ASB5: variants seen among roughly 807,000 people sequenced by gnomAD.
The protein encoded by ASB5 is ankyrin repeat and SOCS box containing 5.
ASB5 carries 45 observed loss-of-function variants against 42.1 expected under a neutral mutation model. The ratio of observed to expected loss-of-function variants is 1.07; its 90% CI spans 0.84 to 1.37. ASB5 has a LOEUF of 1.37. Ranked by LOEUF, ASB5 falls within the 40% of genes most tolerant of loss-of-function variation. ASB5 has a pLI of 0.00. For missense variants in ASB5, 402 were observed against 399.8 expected, an observed-to-expected ratio of 1.01 and a Z score of -0.05; for synonymous variants, 147 against 150.6, an observed-to-expected ratio of 0.98 and a Z score of 0.18.
chr4:176,234,891 G>C (rs1436945176), intron 1 of ASB5, among the ~76,000 whole-genome samples: 1 of 152,156 alleles, frequency 6.6e-6, no homozygotes, highest in African/African-American at 2.4e-5. Context: ...GACATGAGAA[G>C]TGTCTAACAC....
chr4:176,271,157 T>G (rs1161763177), upstream of ASB5, among the ~76,000 whole-genome samples: 1 of 152,220 alleles, frequency 6.6e-6, no homozygotes, highest in African/African-American at 2.4e-5. Flanking sequence ...AGGTTTTGTT[T>G]TTATGAATTA....
chr4:176,248,707 T>C (rs1012270358), intron 1 of ASB5, among the ~76,000 whole-genome samples: 96 of 152,194 alleles, frequency 6.3e-4, no homozygotes, highest in African/African-American at 2.2e-3. Flanking sequence ...TACTGTTCAT[T>C]GTAAAAGTAA....
At chr4:176,242,066 A>G (rs1239796755) in intron 1 of ASB5, among the ~76,000 whole-genome samples, 3 of 152,180 alleles carry the variant, frequency 2.0e-5, no homozygotes, top group Middle Eastern at 3.2e-3. Flanking sequence ...ATGACCAGTG[A>G]CGTGTGCAAA....
chr4:176,248,274 C>T (rs997748919), intron 1 of ASB5, among the ~76,000 whole-genome samples: 4 of 152,076 alleles, frequency 2.6e-5, no homozygotes, highest in Non-Finnish European at 4.4e-5. Flanking sequence ...TCTACAGGTG[C>T]ACACTACCAT....
At chr4:176,239,332 T>G (rs1027212696) in intron 1 of ASB5, among the ~76,000 whole-genome samples, 2 of 152,190 alleles carry the variant, frequency 1.3e-5, no homozygotes, top group Non-Finnish European at 2.9e-5. Context: ...AAGCTTATAC[T>G]TATTATTCTG....
intron 1 of ASB5, among the ~76,000 whole-genome samples, chr4:176,229,109 A>G (rs1337377657): frequency 1.3e-5 from 2 of 152,218 alleles, no homozygotes; most frequent in Non-Finnish European, 2.9e-5. Flanking sequence ...TTAAATAACC[A>G]CTTATAATAT....
At chr4:176,232,126 TA>T (rs756275677) in intron 1 of ASB5, among the ~76,000 whole-genome samples, 9 of 143,312 alleles carry the variant, frequency 6.3e-5, no homozygotes, top group African/African-American at 1.0e-4. Flanking sequence ...TATATATATA[TA>T]CTTTTTTTTT....
intron 1 of ASB5, among the ~76,000 whole-genome samples, chr4:176,268,206 A>G (rs557083380): frequency 6.6e-6 from 1 of 152,132 alleles, no homozygotes; most frequent in South Asian, 2.1e-4. Flanking sequence ...CAACCTTCTG[A>G]AGTCTATGGG....
chr4:176,266,280 A>T (rs1401691977), intron 1 of ASB5, among the ~76,000 whole-genome samples: 2 of 152,158 alleles, frequency 1.3e-5, no homozygotes, highest in Non-Finnish European at 2.9e-5. Flanking sequence ...GCCATCTCTT[A>T]TTTCATGGAA....
At position 176,221,474 on chromosome 4, in the gene ASB5, G is replaced by C. The variant is rs771837324; in HGVS notation, c.511C>G (p.Pro171Ala). The C allele has an allele frequency of 8.1e-6, 13 of 1,613,702 alleles. No homozygotes were observed. The highest frequency in any genetic ancestry group is 1.1e-5 in the Non-Finnish European group (13 of 1,179,946). Residue 171 changes from proline (P) to alanine (A), a missense_variant, in exon 4 of 7, where the codon CCA becomes GCA. Transcript: ENST00000296525. Reference sequence around the variant, plus strand: ...CCTTTACTGGCGGCCTCATGCGTTGGGGATGGAAGACATGACTCCAGCTGG... The same window carrying C: ...CCTTTACTGGCGGCCTCATGCGTTGCGGATGGAAGACATGACTCCAGCTGG... ...KAQLESCLPS[P>A]THEAASKGHH... is the part of the protein sequence containing the mutation.
chr4:176,268,358 A>G (rs1010461610), intron 1 of ASB5, among the ~76,000 whole-genome samples: 1 of 152,186 alleles, frequency 6.6e-6, no homozygotes, highest in Admixed American at 6.5e-5. Context: ...AGCAGTAACA[A>G]TTCCATCAGA....
chr4:176,228,904 C>T (rs1186677718), intron 1 of ASB5, among the ~76,000 whole-genome samples: 1 of 152,116 alleles, frequency 6.6e-6, no homozygotes, highest in Non-Finnish European at 1.5e-5. Flanking sequence ...AACATGATTG[C>T]AGAATGAAAT....
Position 176,221,368 on chromosome 4 carries a change from C to T in ASB5, c.536-79G>A, listed in dbSNP as rs954975397. 18 of 1,595,922 alleles carry T rather than the reference C, an allele frequency of 1.1e-5. No homozygotes were observed. In the African/African-American group the frequency reaches 2.1e-4, roughly 19 times the overall value. ...TCACCCCAGGCTTCCCTTGTGGTGT[C>T]ATTCATTGAAAGATCAACAGAGCAC... On this transcript the variant is annotated intron_variant, in intron 4 of 6. Coordinates refer to ENST00000296525, the MANE Select transcript of ASB5 (RefSeq NM_080874.4).
At chr4:176,232,685 G>A (rs1443551114) in intron 1 of ASB5, among the ~76,000 whole-genome samples, 2 of 152,142 alleles carry the variant, frequency 1.3e-5, no homozygotes, top group African/African-American at 4.8e-5. Flanking sequence ...GACAACCACA[G>A]AGCCACAGAA....
upstream of ASB5, among the ~76,000 whole-genome samples, chr4:176,272,881 A>G (rs948590175): frequency 2.6e-5 from 4 of 151,440 alleles, no homozygotes; most frequent in African/African-American, 9.7e-5. Flanking sequence ...GCGTGTTTCT[A>G]GTGCTTTCCA....
intron 1 of ASB5, among the ~76,000 whole-genome samples, chr4:176,276,683 T>G (rs1165603162): frequency 2.6e-5 from 4 of 152,128 alleles, no homozygotes; most frequent in African/African-American, 9.7e-5. Flanking sequence ...GGCTCCTGAT[T>G]TAAGAAATCA....
In ASB5 at chr4:176,268,989, A is replaced by G; in HGVS notation, c.120T>C (p.His40=). 1 of 1,613,658 alleles carries G rather than the reference A, an allele frequency of 6.2e-7. No individual in the cohort carries two copies. The highest frequency in any genetic ancestry group is 2.2e-5 in the East Asian group (1 of 44,864). Residue 40 remains histidine, a synonymous_variant, in exon 1 of 7, where the codon CAT becomes CAC. Coordinates refer to ENST00000296525, the MANE Select transcript of ASB5 (RefSeq NM_080874.4). The part of the protein sequence containing the change: ...FVKISLAILS[H]FYIVKGNRKE... Reference sequence around the variant, plus strand: ...TGCGGTTGCCTTTCACTATGTAGAAATGACTGAGGATGGCAAGGCTGATTT... The same window carrying G: ...TGCGGTTGCCTTTCACTATGTAGAAGTGACTGAGGATGGCAAGGCTGATTT...
intron 1 of ASB5, among the ~76,000 whole-genome samples, chr4:176,245,501 G>C (rs550622222): frequency 2.0e-5 from 3 of 152,256 alleles, no homozygotes; most frequent in Admixed American, 2.0e-4. Flanking sequence ...ATTCCTCAAG[G>C]ATCTAGAACT....
In ASB5 at chr4:176,218,251, A is replaced by AAT. The variant is rs781483417; in HGVS notation, c.671-1244_671-1243dup. ...TATATATATATTTGTATGATATATAAATATATATATATTTGTATGATATAT... is the reference window on the plus strand; with the variant it reads ...TATATATATATTTGTATGATATATAAATATATATATATATTTGTATGATATAT... On this transcript the variant is annotated intron_variant, in intron 5 of 6. Coordinates refer to ENST00000296525, the MANE Select transcript of ASB5 (RefSeq NM_080874.4). 1.2e-4 allele frequency among the ~76,000 whole-genome samples: 3 copies of AAT among 24,900 alleles called. 1 individual carries two copies. Among genetic ancestry groups the AAT allele is most frequent in the Admixed American group, 1.3e-3 (2 of 1,594 alleles). The allele number at this position is 24,900 out of a possible 152,430, so 16.3% of individuals were successfully genotyped here. A position where few individuals can be genotyped will look rare whatever the true frequency, so the allele number is the denominator to read the frequency against.
Sources: gnomAD v4.1 joint callset for allele counts (sites outside exome capture counted in the v4.1 genomes callset) on GRCh38, gnomAD v4.1.1 for gene constraint, MANE v1.5 for transcripts, NCBI Gene and HGNC (gene_info 2026-07-23, HGNC 2026-07-21) for gene names.